The following RBFOX1 variants were observed in gnomAD, a reference collection of about 807,000 sequenced individuals.
RBFOX1 encodes RNA binding protein fox-1 homolog 1.
RBFOX1 carries 8 observed loss-of-function variants against 57.7 expected under a neutral mutation model. The observed-to-expected ratio is 0.14, with a 90% CI of 0.08 to 0.25. RBFOX1 has a LOEUF of 0.25. Ranked by LOEUF, RBFOX1 falls within the 10% of genes least tolerant of loss-of-function variation. The pLI, the probability that RBFOX1 is intolerant of heterozygous loss-of-function variation, is 1.00. For synonymous variants in RBFOX1, 326 were observed against 222.4 expected, an observed-to-expected ratio of 1.47 and a Z score of -4.15; for missense variants, 611 against 548.5, an observed-to-expected ratio of 1.11 and a Z score of -1.14.
chr16:6,885,706 A>G (rs991774434), intron 3 of RBFOX1, among the ~76,000 whole-genome samples: 2 of 151,628 alleles, frequency 1.3e-5, no homozygotes, highest in African/African-American at 2.4e-5. Flanking sequence ...TAATTTTTCT[A>G]TCTTTAGTAG....
chr16:5,865,796 A>C (rs949125103), intron 3 of RBFOX1, among the ~76,000 whole-genome samples: 2 of 152,150 alleles, frequency 1.3e-5, no homozygotes, highest in African/African-American at 4.8e-5. Flanking sequence ...TGAGAGTTCA[A>C]GATGAAGGTA....
At chr16:5,826,079 A>T (rs550853197) in intron 3 of RBFOX1, among the ~76,000 whole-genome samples, 546 of 131,322 alleles carry the variant, frequency 4.2e-3, no homozygotes, top group African/African-American at 0.013. Flanking sequence ...ATAAGGAATA[A>T]TATTCCTTAA....
At chr16:6,419,578 G>A (rs999760750) in intron 2 of RBFOX1, among the ~76,000 whole-genome samples, 1 of 152,190 alleles carries the variant, frequency 6.6e-6, no homozygotes, top group Non-Finnish European at 1.5e-5. Flanking sequence ...AAAAGGTAGA[G>A]TGGGCCCCGT....
At chr16:7,227,235 C>G (rs143035527) in intron 4 of RBFOX1, among the ~76,000 whole-genome samples, 9 of 151,510 alleles carry the variant, frequency 5.9e-5, no homozygotes, top group African/African-American at 7.2e-5. Flanking sequence ...GCCATGTGCT[C>G]TATCTGTATA....
At chr16:6,304,239 G>T (rs1040738957) in intron 1 of RBFOX1, among the ~76,000 whole-genome samples, 1 of 151,812 alleles carries the variant, frequency 6.6e-6, no homozygotes, top group African/African-American at 2.4e-5. Flanking sequence ...AGTGAGCCGA[G>T]ATCATGCCAT....
intron 1 of RBFOX1, among the ~76,000 whole-genome samples, chr16:5,299,316 A>G (rs2063749778): frequency 6.6e-6 from 1 of 152,022 alleles, no homozygotes; most frequent in Non-Finnish European, 1.5e-5. Flanking sequence ...TTGAATGCAT[A>G]CTTTATAATT....
At chr16:6,409,549 A>G (rs1211597572) in intron 2 of RBFOX1, among the ~76,000 whole-genome samples, 1 of 152,218 alleles carries the variant, frequency 6.6e-6, no homozygotes, top group African/African-American at 2.4e-5. Context: ...TTTTTTGATA[A>G]TATACCTCCA....
At chr16:6,778,542 C>T (rs935868684) in intron 3 of RBFOX1, among the ~76,000 whole-genome samples, 6 of 152,062 alleles carry the variant, frequency 3.9e-5, no homozygotes, top group Non-Finnish European at 5.9e-5. Context: ...GATCGCTGTT[C>T]AGATTTTCCC....
At chr16:7,097,031 G>C in intron 4 of RBFOX1, among the ~76,000 whole-genome samples, 1 of 151,346 alleles carries the variant, frequency 6.6e-6, no homozygotes, top group East Asian at 1.9e-4. Flanking sequence ...ATCCTGGTTT[G>C]GTAAAAACAA....
At chr16:6,557,007 A>G (rs868675221) in intron 2 of RBFOX1, among the ~76,000 whole-genome samples, 2,231 of 136,776 alleles carry the variant, frequency 0.016, 40 homozygotes, top group Non-Finnish European at 0.025. Context: ...ATATATATAC[A>G]TATATATACA....
chr16:7,180,053 A>G (rs1414072900), intron 4 of RBFOX1, among the ~76,000 whole-genome samples: 1 of 151,894 alleles, frequency 6.6e-6, no homozygotes, highest in African/African-American at 2.4e-5. Context: ...CTTCCTAGAT[A>G]TTTTGAACAG....
chr16:6,829,271 G>T (rs1323703436), intron 3 of RBFOX1, among the ~76,000 whole-genome samples: 1 of 150,936 alleles, frequency 6.6e-6, no homozygotes, highest in African/African-American at 2.4e-5. Flanking sequence ...TAGCATAAAA[G>T]GAGAAATCTG....
At chr16:6,832,387 C>G (rs972522441) in intron 3 of RBFOX1, among the ~76,000 whole-genome samples, 3 of 152,100 alleles carry the variant, frequency 2.0e-5, no homozygotes, top group Non-Finnish European at 4.4e-5. Context: ...GATGATTTCC[C>G]CAGATTGCTA....
intron 2 of RBFOX1, among the ~76,000 whole-genome samples, chr16:6,550,429 G>A (rs563737425): frequency 1.9e-4 from 29 of 152,136 alleles, no homozygotes; most frequent in Non-Finnish European, 2.9e-4. Context: ...GGCCTCAAGT[G>A]ATCTGTTCAC....
chr16:6,568,008 G>C (rs528643334), intron 2 of RBFOX1, among the ~76,000 whole-genome samples: 2 of 152,196 alleles, frequency 1.3e-5, no homozygotes, highest in South Asian at 2.1e-4. Flanking sequence ...TCTTTGTAGA[G>C]GTAGGGTCTG....
At chr16:7,662,993 GA>G (rs201225733) in intron 12 of RBFOX1, among the ~76,000 whole-genome samples, 1,697 of 152,346 alleles carry the variant, frequency 0.011, 16 homozygotes, top group South Asian at 0.032. Context: ...GCTTTTGGAT[GA>G]GGATACTAGA....
chr16:6,836,486 T>C (rs1253562414), intron 3 of RBFOX1, among the ~76,000 whole-genome samples: 1 of 152,362 alleles, frequency 6.6e-6, no homozygotes, highest in Admixed American at 6.5e-5. Context: ...TTGCTTTCTG[T>C]ATCACTTCAA....
intron 3 of RBFOX1, among the ~76,000 whole-genome samples, chr16:5,670,013 T>C (rs558392169): frequency 1.1e-4 from 17 of 152,180 alleles, no homozygotes; most frequent in Admixed American, 5.9e-4. Context: ...TAAAAAGATA[T>C]AGAGCACTGA....
At chr16:7,475,293 T>G (rs1224631122) in intron 4 of RBFOX1, among the ~76,000 whole-genome samples, 3 of 151,708 alleles carry the variant, frequency 2.0e-5, no homozygotes, top group Non-Finnish European at 4.4e-5. Context: ...ATTAATAGAT[T>G]TGAAGGATGG....
Sources: gnomAD v4.1 joint callset for allele counts (sites outside exome capture counted in the v4.1 genomes callset) on GRCh38, gnomAD v4.1.1 for gene constraint, MANE v1.5 for transcripts, NCBI Gene and HGNC (gene_info 2026-07-23, HGNC 2026-07-21) for gene names.